The following FSTL5 variants were observed in gnomAD, a reference collection of about 807,000 sequenced individuals.
FSTL5 encodes follistatin like 5.
A neutral mutation model predicts 89.1 loss-of-function variants in FSTL5; 62 were observed. That is an observed-to-expected ratio of 0.70 (90% confidence interval 0.57 to 0.86). FSTL5 has a LOEUF of 0.86. Ranked by LOEUF, FSTL5 falls within the 40% of genes least tolerant of loss-of-function variation. The pLI is 0.00. For missense variants in FSTL5, 1,057 were observed against 1,001.6 expected (o/e 1.06, Z -0.75); for synonymous variants, 383 against 346.2 (o/e 1.11, Z -1.18).
At chr4:162,133,317 G>A (rs759060146) in intron 1 of FSTL5, among the ~76,000 whole-genome samples, 27 of 152,194 alleles carry the variant, frequency 1.8e-4, no homozygotes, top group Non-Finnish European at 2.9e-4. Context: ...CACGAGTGAG[G>A]CTGAAGTCGG....
intron 3 of FSTL5, among the ~76,000 whole-genome samples, chr4:161,973,858 C>T (rs2111022268): frequency 6.6e-6 from 1 of 152,176 alleles, no homozygotes; most frequent in East Asian, 1.9e-4. Context: ...TCTAGAAAAC[C>T]CCATTGTCTC....
intron 1 of FSTL5, among the ~76,000 whole-genome samples, chr4:162,152,450 C>T (rs960172409): frequency 2.1e-4 from 32 of 152,032 alleles, no homozygotes; most frequent in Admixed American, 2.0e-4. Context: ...TTAATTTTTG[C>T]GTTTATTTTC....
intron 5 of FSTL5, among the ~76,000 whole-genome samples, chr4:161,770,210 G>A (rs543151401): frequency 8.3e-4 from 126 of 152,120 alleles, no homozygotes; most frequent in African/African-American, 3.0e-3. Flanking sequence ...GATTACCACA[G>A]GTTGGGAAGG....
chr4:161,721,756 T>C (rs1739226993), intron 6 of FSTL5, among the ~76,000 whole-genome samples: 1 of 152,198 alleles, frequency 6.6e-6, no homozygotes, highest in African/African-American at 2.4e-5. Flanking sequence ...AAAATTAAAG[T>C]CACCGTCCCA....
At chr4:161,653,236 C>T (rs1736401603) in intron 7 of FSTL5, among the ~76,000 whole-genome samples, 1 of 152,164 alleles carries the variant, frequency 6.6e-6, no homozygotes, top group South Asian at 2.1e-4. Flanking sequence ...GCCCAAGGCA[C>T]ATACTGAAAT....
At chr4:161,951,143 A>G (rs1323289474) in intron 3 of FSTL5, among the ~76,000 whole-genome samples, 1 of 151,960 alleles carries the variant, frequency 6.6e-6, no homozygotes, top group Non-Finnish European at 1.5e-5. Context: ...CTGCTGCCAT[A>G]TAAGATGTGC....
intron 7 of FSTL5, among the ~76,000 whole-genome samples, chr4:161,645,627 T>G (rs1736127950): frequency 6.6e-6 from 1 of 152,088 alleles, no homozygotes; most frequent in Non-Finnish European, 1.5e-5. Flanking sequence ...GTCTCTAATT[T>G]AATAATTACT....
intron 3 of FSTL5, among the ~76,000 whole-genome samples, chr4:162,013,836 A>G (rs1241868625): frequency 2.0e-5 from 3 of 152,118 alleles, no homozygotes; most frequent in African/African-American, 7.2e-5. Context: ...GTGGCATTTG[A>G]AAAACTTATC....
At chr4:161,418,526 C>T (rs910953234) in intron 15 of FSTL5, among the ~76,000 whole-genome samples, 2 of 152,124 alleles carry the variant, frequency 1.3e-5, no homozygotes, top group Non-Finnish European at 2.9e-5. Context: ...CGACAGTGAT[C>T]ACTCACTAAT....
At chr4:161,841,073 T>G (rs1731197671) in intron 4 of FSTL5, among the ~76,000 whole-genome samples, 1 of 152,182 alleles carries the variant, frequency 6.6e-6, no homozygotes, top group South Asian at 2.1e-4. Flanking sequence ...TCAGTGTTCT[T>G]ATAACAGCTG....
chr4:161,583,144 G>A (rs898035324), intron 8 of FSTL5, among the ~76,000 whole-genome samples: 1 of 152,176 alleles, frequency 6.6e-6, no homozygotes, highest in Middle Eastern at 3.4e-3. Flanking sequence ...GAGGTTGCAG[G>A]GAGCCAAGAT....
At chr4:161,601,348 A>AAAAAAAAAAAAC in intron 7 of FSTL5, among the ~76,000 whole-genome samples, 1 of 151,520 alleles carries the variant, frequency 6.6e-6, no homozygotes, top group Non-Finnish European at 1.5e-5. Flanking sequence ...AAAAAAAAAA[A>AAAAAAAAAAAAC]AAGGCAGCCA....
intron 15 of FSTL5, among the ~76,000 whole-genome samples, chr4:161,423,694 T>C (rs1322488554): frequency 1.3e-5 from 2 of 152,250 alleles, no homozygotes; most frequent in East Asian, 1.9e-4. Context: ...ATTGAGATAA[T>C]TGGACAGATA....
rs565389323 is a variant in FSTL5 at position 161,940,215 on chromosome 4, G to GT, written c.161-19564dup. ...GAAAACATAATTAGAAAATTTGAAG[G>GT]TAAGTCAATTGTAATTATCCACGTT... On this transcript the variant is annotated intron_variant, in intron 3 of 15. Transcript: ENST00000306100. Among the ~76,000 whole-genome samples the GT allele has an allele frequency of 1.7e-3, 265 of 151,794 alleles. 1 individual carries two copies. In the South Asian group the frequency reaches 0.019, roughly 11 times the overall value.
intron 6 of FSTL5, among the ~76,000 whole-genome samples, chr4:161,680,703 A>G (rs1031701293): frequency 5.9e-5 from 9 of 151,682 alleles, no homozygotes; most frequent in African/African-American, 2.2e-4. Context: ...AATTATAGTA[A>G]AATATATTTT....
At chr4:161,648,038 A>G (rs1329507269) in intron 7 of FSTL5, among the ~76,000 whole-genome samples, 2 of 151,988 alleles carry the variant, frequency 1.3e-5, no homozygotes, top group African/African-American at 4.8e-5. Flanking sequence ...CTCCAGGGGA[A>G]AGCCATCTCC....
At chr4:162,138,312 T>C (rs901289526) in intron 1 of FSTL5, among the ~76,000 whole-genome samples, 3 of 151,744 alleles carry the variant, frequency 2.0e-5, no homozygotes, top group Non-Finnish European at 4.4e-5. Context: ...ATTAGCTGAA[T>C]TAATTAGTTT....
At chr4:161,515,697 A>T (rs549835421) in intron 10 of FSTL5, among the ~76,000 whole-genome samples, 1 of 152,046 alleles carries the variant, frequency 6.6e-6, no homozygotes, top group African/African-American at 2.4e-5. Context: ...GCCTTTTAAA[A>T]GTATTATGAT....
intron 1 of FSTL5, among the ~76,000 whole-genome samples, chr4:162,129,252 GTTAA>G (rs1732204365): frequency 1.3e-5 from 2 of 151,866 alleles, no homozygotes; most frequent in African/African-American, 4.8e-5. Flanking sequence ...TATTTTTATG[GTTAA>G]TTAACTCATT....
Sources: gnomAD v4.1 joint callset for allele counts (sites outside exome capture counted in the v4.1 genomes callset) on GRCh38, gnomAD v4.1.1 for gene constraint, MANE v1.5 for transcripts, NCBI Gene and HGNC (gene_info 2026-07-23, HGNC 2026-07-21) for gene names.